Variants in RNF180 observed in about 807,000 individuals in gnomAD.
RNF180 encodes the protein E3 ubiquitin-protein ligase RNF180.
A neutral mutation model predicts 59.2 loss-of-function variants in RNF180; 38 were observed. The ratio of observed to expected loss-of-function variants is 0.64; its 90% CI spans 0.50 to 0.84. The LOEUF (loss-of-function observed/expected upper bound fraction) is 0.84, where lower values mean the gene tolerates loss of function less well. Ranked by LOEUF, RNF180 falls within the 40% of genes least tolerant of loss-of-function variation. RNF180 has a pLI of 0.00. For synonymous variants in RNF180, 262 were observed against 240.3 expected (o/e 1.09, Z -0.84); for missense variants, 705 against 700.9 (o/e 1.01, Z -0.07).
chr5:64,348,126 G>T (rs1326626685), intron 7 of RNF180, among the ~76,000 whole-genome samples: 4 of 151,904 alleles, frequency 2.6e-5, no homozygotes. Context: ...ATAAATAATA[G>T]ATTTTATAAC....
At position 64,216,085 on chromosome 5, in the gene RNF180, C is replaced by A. The variant is rs538263041; in HGVS notation, c.1192-1276C>A. ...TTAATGAGTCTTAGACCTGTTGTCA[C>A]AGGTCAGTGTAGGGAGTGACATGGC... On this transcript the variant is annotated intron_variant, in intron 4 of 7. Coordinates refer to ENST00000389100, the MANE Select transcript of RNF180 (RefSeq NM_001113561.2). Among the ~76,000 whole-genome samples, 15 of 152,056 alleles carry A rather than the reference C, an allele frequency of 9.9e-5. 2 individuals carry two copies. The highest frequency in any genetic ancestry group is 3.6e-4 in the African/African-American group (15 of 41,486).
At chr5:64,280,875 T>C (rs1350064451) in intron 5 of RNF180, among the ~76,000 whole-genome samples, 1 of 152,238 alleles carries the variant, frequency 6.6e-6, no homozygotes, top group Non-Finnish European at 1.5e-5. Context: ...ATTAAATCTG[T>C]AAATTGCTTT....
intron 5 of RNF180, among the ~76,000 whole-genome samples, chr5:64,236,660 C>T (rs2112219801): frequency 6.6e-6 from 1 of 152,160 alleles, no homozygotes; most frequent in East Asian, 1.9e-4. Context: ...TTGTGGCAGC[C>T]CCTCCCATCA....
At chr5:64,255,718 A>T (rs1309495703) in intron 5 of RNF180, among the ~76,000 whole-genome samples, 2 of 152,224 alleles carry the variant, frequency 1.3e-5, no homozygotes, top group Non-Finnish European at 2.9e-5. Flanking sequence ...TATACCCAGT[A>T]ATGGGATGGC....
intron 5 of RNF180, among the ~76,000 whole-genome samples, chr5:64,303,737 G>T (rs1048351064): frequency 2.0e-5 from 3 of 151,626 alleles, no homozygotes; most frequent in African/African-American, 7.3e-5. Context: ...AGTGCAAGGG[G>T]AAGCAGTAAG....
intron 1 of RNF180, among the ~76,000 whole-genome samples, chr5:64,194,457 A>G (rs1300366157): frequency 6.6e-6 from 1 of 152,198 alleles, no homozygotes; most frequent in East Asian, 1.9e-4. Context: ...TAGTGCCACA[A>G]TAAACATCCG....
At chr5:64,312,027 A>G (rs1580228606) in intron 5 of RNF180, among the ~76,000 whole-genome samples, 2 of 152,132 alleles carry the variant, frequency 1.3e-5, no homozygotes, top group East Asian at 3.9e-4. Context: ...TTGAGGGTGC[A>G]AGGGAGAGAG....
chr5:64,349,514 T>C (rs958541515), intron 7 of RNF180, among the ~76,000 whole-genome samples: 2 of 151,976 alleles, frequency 1.3e-5, no homozygotes, highest in Admixed American at 6.6e-5. Context: ...ATGTGCCATG[T>C]TGGTGTGCTG....
chr5:64,365,863 G>GAGTAAGC (rs1468727492), intron 7 of RNF180, among the ~76,000 whole-genome samples: 1 of 151,516 alleles, frequency 6.6e-6, no homozygotes, highest in Non-Finnish European at 1.5e-5. Flanking sequence ...GCTTATAGGT[G>GAGTAAGC]TCATTGCATG....
At chr5:64,272,258 C>T (rs780135690) in intron 5 of RNF180, among the ~76,000 whole-genome samples, 1 of 151,908 alleles carries the variant, frequency 6.6e-6, no homozygotes, top group African/African-American at 2.4e-5. Context: ...TCAGGGAAGG[C>T]TTTCCAAATT....
chr5:64,232,327 A>C (rs1217405271), intron 5 of RNF180, among the ~76,000 whole-genome samples: 2 of 152,108 alleles, frequency 1.3e-5, no homozygotes, highest in African/African-American at 4.8e-5. Flanking sequence ...TCACTAGGGG[A>C]GTTTTTTTAC....
chr5:64,309,330 G>C (rs909970185), intron 5 of RNF180, among the ~76,000 whole-genome samples: 1 of 151,668 alleles, frequency 6.6e-6, no homozygotes, highest in African/African-American at 2.4e-5. Context: ...TGGTAAGAAA[G>C]TATTTCTTGA....
intron 5 of RNF180, among the ~76,000 whole-genome samples, chr5:64,275,542 ATTAAG>A (rs1365961625): frequency 8.6e-5 from 13 of 151,780 alleles, no homozygotes; most frequent in African/African-American, 2.7e-4. Flanking sequence ...ATTACTTTTA[ATTAAG>A]TTATTTATAC....
intron 5 of RNF180, among the ~76,000 whole-genome samples, chr5:64,225,825 G>A (rs144396014): frequency 0.018 from 2,609 of 143,892 alleles, 70 homozygotes; most frequent in African/African-American, 0.064. Context: ...CTGCCCGGCC[G>A]CCCCGTCTGG....
intron 5 of RNF180, among the ~76,000 whole-genome samples, chr5:64,258,046 G>A (rs894345338): frequency 6.6e-6 from 1 of 152,214 alleles, no homozygotes; most frequent in African/African-American, 2.4e-5. Context: ...GGGAAAGGCA[G>A]AGGGTCAGAA....
At chr5:64,217,178 A>G (rs1439716432) in intron 4 of RNF180, among the ~76,000 whole-genome samples, 183 bp from the exon 5 acceptor site, 3 of 152,150 alleles carry the variant, frequency 2.0e-5, no homozygotes, top group Admixed American at 6.5e-5. Context: ...AGTTGTTTGC[A>G]TATATTTATA....
At position 64,248,652 on chromosome 5, in the gene RNF180, TTGG is replaced by T. The variant is rs540076266; in HGVS notation, c.1227+31260_1227+31262del. Among the ~76,000 whole-genome samples the T allele has an allele frequency of 1.5e-3, 229 of 152,262 alleles. 1 individual carries two copies. Among genetic ancestry groups the T allele is most frequent in the African/African-American group, 5.2e-3 (216 of 41,566 alleles). Reference sequence around the variant, plus strand: ...GAGAAATAGGAATGCCTTTACACTGTTGGTGGGAGTGTAAATTAGTTCAACCAT... The same window carrying T: ...GAGAAATAGGAATGCCTTTACACTGTTGGGAGTGTAAATTAGTTCAACCAT... On this transcript the variant is annotated intron_variant, in intron 5 of 7. Coordinates refer to ENST00000389100, the MANE Select transcript of RNF180 (RefSeq NM_001113561.2).
chr5:64,219,418 T>G (rs1387766002), intron 5 of RNF180, among the ~76,000 whole-genome samples: 1 of 152,182 alleles, frequency 6.6e-6, no homozygotes, highest in Non-Finnish European at 1.5e-5. Flanking sequence ...TTGTCTCTGT[T>G]TTTTGTAATG....
chr5:64,255,145 T>C (rs1052050836), intron 5 of RNF180, among the ~76,000 whole-genome samples: 2 of 152,174 alleles, frequency 1.3e-5, no homozygotes, highest in African/African-American at 4.8e-5. Context: ...ATGTTGACAT[T>C]GGTTAAAGCT....
Sources: gnomAD v4.1 joint callset for allele counts (sites outside exome capture counted in the v4.1 genomes callset) on GRCh38, gnomAD v4.1.1 for gene constraint, MANE v1.5 for transcripts, NCBI Gene and HGNC (gene_info 2026-07-23, HGNC 2026-07-21) for gene names.